EGLN1: variants seen among roughly 807,000 people sequenced by gnomAD.
EGLN1 encodes egl nine homolog 1.
In EGLN1, 17 loss-of-function variants were observed where a neutral mutation model predicts 38.3. That is an observed-to-expected ratio of 0.44 (90% CI 0.30 to 0.67). The LOEUF is 0.67. Among genes scored for constraint, EGLN1 ranks in the 30% least tolerant of loss-of-function variants. The pLI is 0.08. For synonymous variants in EGLN1, 283 were observed against 257.5 expected, an observed-to-expected ratio of 1.10 and a Z score of -0.95; for missense variants, 477 against 603.3, an observed-to-expected ratio of 0.79 and a Z score of 2.19.
At chr1:231,378,973 A>G (rs184633577) in intron 1 of EGLN1, among the ~76,000 whole-genome samples, 1 of 152,328 alleles carries the variant, frequency 6.6e-6, no homozygotes, top group East Asian at 1.9e-4. Context: ...CTTATAGGCC[A>G]GGCATGGATT....
At chr1:231,373,959 A>G (rs1687893086) in intron 2 of EGLN1, 21 bp downstream of exon 2, 2 of 1,613,036 alleles carry the variant, frequency 1.2e-6, no homozygotes, top group African/African-American at 2.7e-5. Flanking sequence ...AAAAAAATAA[A>G]TGCTCAATTA....
chr1:231,380,645 G>C (rs1688061195), intron 1 of EGLN1, among the ~76,000 whole-genome samples: 1 of 152,028 alleles, frequency 6.6e-6, no homozygotes, highest in East Asian at 1.9e-4. Context: ...CTTTCTGATT[G>C]CTGAAATGTT....
intron 1 of EGLN1, among the ~76,000 whole-genome samples, chr1:231,391,086 T>TGTG (rs1558387075): frequency 5.8e-5 from 2 of 34,394 alleles, no homozygotes; most frequent in Non-Finnish European, 1.6e-4. Flanking sequence ...TCATTCTGTT[T>TGTG]TTTTTTTGTG....
intron 2 of EGLN1, among the ~76,000 whole-genome samples, chr1:231,372,007 C>G (rs930304369): frequency 5.9e-5 from 9 of 152,186 alleles, no homozygotes; most frequent in African/African-American, 2.2e-4. Context: ...ATGCAAACAT[C>G]TAAAGAACCT....
In EGLN1 at chr1:231,367,459, A is replaced by C; in HGVS notation, c.1216+110T>G. 3 of 1,115,592 alleles carry C rather than the reference A, an allele frequency of 2.7e-6. No individual in the cohort carries two copies. In the South Asian group the frequency reaches 3.8e-5, roughly 14 times the overall value. 69.1% of individuals were successfully genotyped at this position (1,115,592 alleles called of 1,614,324 possible). A position where few individuals can be genotyped will look rare whatever the true frequency, so the allele number is the denominator to read the frequency against. On this transcript the variant is annotated intron_variant, in intron 4 of 4. Coordinates refer to ENST00000366641, the MANE Select transcript of EGLN1 (RefSeq NM_022051.3). Reference sequence around the variant, plus strand: ...AAATAAGAAATCTGATAAAAAACAAAAAGTAAGTATTCATGGTGTTAACAA... The same window carrying C: ...AAATAAGAAATCTGATAAAAAACAACAAGTAAGTATTCATGGTGTTAACAA...
At chr1:231,389,226 A>G (rs1392606548) in intron 1 of EGLN1, among the ~76,000 whole-genome samples, 1 of 152,224 alleles carries the variant, frequency 6.6e-6, no homozygotes, top group African/African-American at 2.4e-5. Flanking sequence ...ACAAATTACT[A>G]TGTGTTAATA....
At chr1:231,420,026 A>T (rs1656519305) in intron 1 of EGLN1, 1 of 152,252 alleles carries the variant, frequency 6.6e-6, no homozygotes, top group Admixed American at 6.5e-5. Flanking sequence ...TCTGAGAAGT[A>T]AAATGAAAAA....
chr1:231,398,579 C>T (rs1473153323), intron 1 of EGLN1, among the ~76,000 whole-genome samples: 4 of 152,174 alleles, frequency 2.6e-5, no homozygotes, highest in African/African-American at 4.8e-5. Context: ...GCAACAAGGA[C>T]GGCAAGGCTC....
Position 231,400,862 on chromosome 1 carries a change from C to A in EGLN1, c.891+20136G>T, listed in dbSNP as rs566600397. On this transcript the variant is annotated intron_variant, in intron 1 of 4. Transcript: ENST00000366641. ...GTCAGGAGTTCAAGACCAGCCTGGG[C>A]AACATGGTGAAACCCCATCTCTACA... Among the ~76,000 whole-genome samples the A allele has an allele frequency of 2.6e-5, 4 of 152,208 alleles. No individual in the cohort carries two copies. In the South Asian group the frequency reaches 6.2e-4, roughly 24 times the overall value.
intron 1 of EGLN1, among the ~76,000 whole-genome samples, chr1:231,378,755 C>T (rs1278318292): frequency 6.6e-6 from 1 of 151,890 alleles, no homozygotes; most frequent in African/African-American, 2.4e-5. Context: ...ACTTATTTTT[C>T]TTTTTTGAGC....
chr1:231,386,013 T>C (rs1688195684), intron 1 of EGLN1, among the ~76,000 whole-genome samples: 1 of 152,124 alleles, frequency 6.6e-6, no homozygotes, highest in East Asian at 1.9e-4. Flanking sequence ...GGGTCTTACT[T>C]ACTATGTTGC....
At chr1:231,409,217 T>C (rs1392047737) in intron 1 of EGLN1, among the ~76,000 whole-genome samples, 1 of 149,576 alleles carries the variant, frequency 6.7e-6, no homozygotes, top group African/African-American at 2.5e-5. Context: ...CAACTTAACC[T>C]TTAGAAGTCT....
chr1:231,408,555 G>T (rs474517), intron 1 of EGLN1, among the ~76,000 whole-genome samples: 22,657 of 152,148 alleles, frequency 0.15, 2,067 homozygotes, highest in African/African-American at 0.24. Flanking sequence ...GGGAAAAAAA[G>T]TGTGTAACAA....
At chr1:231,372,950 C>T (rs932867518) in intron 2 of EGLN1, among the ~76,000 whole-genome samples, 12 of 152,034 alleles carry the variant, frequency 7.9e-5, no homozygotes, top group African/African-American at 2.7e-4. Context: ...CAGGTATGTT[C>T]ACTTTGTGAA....
chr1:231,391,088 TTTTTTGTG>T (rs1429449795), intron 1 of EGLN1, among the ~76,000 whole-genome samples: 3 of 34,734 alleles, frequency 8.6e-5, no homozygotes, highest in East Asian at 1.3e-3. Flanking sequence ...ATTCTGTTTT[TTTTTTGTG>T]TGTGTGTGTG....
At chr1:231,394,336 T>C (rs1175682252) in intron 1 of EGLN1, among the ~76,000 whole-genome samples, 1 of 151,988 alleles carries the variant, frequency 6.6e-6, no homozygotes, top group Non-Finnish European at 1.5e-5. Flanking sequence ...TTATTTCAAA[T>C]CTCCATTGCT....
At chr1:231,396,246 CTTCTT>C (rs1558389452) in intron 1 of EGLN1, among the ~76,000 whole-genome samples, 3 of 120,898 alleles carry the variant, frequency 2.5e-5, no homozygotes, top group Admixed American at 8.9e-5. Flanking sequence ...TCCTCACTGG[CTTCTT>C]TTTTTTTTTT....
chr1:231,415,120 G>T (rs1480630931), intron 1 of EGLN1, among the ~76,000 whole-genome samples: 1 of 151,884 alleles, frequency 6.6e-6, no homozygotes, highest in Non-Finnish European at 1.5e-5. Context: ...AAAAATTTAA[G>T]AAATTATCCA....
intron 1 of EGLN1, among the ~76,000 whole-genome samples, chr1:231,407,029 A>G (rs1196376204): frequency 6.6e-6 from 1 of 152,172 alleles, no homozygotes; most frequent in Non-Finnish European, 1.5e-5. Context: ...TTCTTAGGCT[A>G]CTTTCCTTAC....
Sources: allele counts gnomAD v4.1 joint callset (sites outside exome capture counted in the v4.1 genomes callset), GRCh38; gene constraint gnomAD v4.1.1; transcripts MANE v1.5; gene names NCBI Gene and HGNC (gene_info 2026-07-23, HGNC 2026-07-21).